The following DHDH variants were observed in gnomAD, a reference collection of about 807,000 sequenced individuals.
DHDH encodes the protein dihydrodiol dehydrogenase.
Under a neutral mutation model 33.2 loss-of-function variants are expected in DHDH, and 29 were observed. The ratio of observed to expected loss-of-function variants is 0.87; its 90% CI spans 0.65 to 1.19. DHDH has a LOEUF of 1.19. Ranked by LOEUF, DHDH falls within the 50% of genes most tolerant of loss-of-function variation. The pLI, the probability that DHDH is intolerant of heterozygous loss-of-function variation, is 0.00. For missense variants in DHDH, 431 were observed against 455.0 expected, an observed-to-expected ratio of 0.95 and a Z score of 0.48; for synonymous variants, 201 against 187.9, an observed-to-expected ratio of 1.07 and a Z score of -0.57.
chr19:48,933,847 C>CG (rs769234991), intron 1 of DHDH, 36 bp downstream of exon 1: 16 of 1,587,984 alleles, frequency 1.0e-5, no homozygotes, highest in Non-Finnish European at 1.2e-5. Flanking sequence ...GAAGAGGAGG[C>CG]GGGGGGCGGG....
intron 4 of DHDH, among the ~76,000 whole-genome samples, chr19:48,941,314 TG>T: frequency 6.6e-6 from 1 of 152,334 alleles, no homozygotes; most frequent in Non-Finnish European, 1.5e-5. Context: ...ACACCATATT[TG>T]CTACTGGCCC....
rs761438992 is a variant in DHDH at position 48,936,148 on chromosome 19, C to A, written c.319C>A (p.Arg107Ser). Residue 107 changes from arginine to serine, a missense_variant, in exon 3 of 7, where the codon CGC (arginine) becomes AGC (serine). Arg to Ser is a moderately radical substitution (Grantham distance 110, BLOSUM62 -1). Transcript: ENST00000221403. The part of the protein sequence containing the change: ...KPTGVNAAEV[R>S]EMVAEARSRA... The stretch of plus-strand genomic sequence containing the variant: ...CACGGGCGTGAACGCGGCGGAAGTT[C>A]GCGAGATGGTCGCGGAGGCCCGATC... The A allele has an allele frequency of 4.1e-5, 66 of 1,607,698 alleles. No homozygotes were observed. The highest frequency in any genetic ancestry group is 5.5e-5 in the Non-Finnish European group (65 of 1,177,898).
chr19:48,933,535 T>C (rs889432193), upstream of DHDH: 14 of 612,384 alleles, frequency 2.3e-5, no homozygotes, highest in African/African-American at 2.2e-4. Context: ...AAGGCGGAGC[T>C]AAACGGTGCA....
chr19:48,943,223 G>A (rs574913467), intron 5 of DHDH, among the ~76,000 whole-genome samples: 7 of 152,176 alleles, frequency 4.6e-5, no homozygotes, highest in Non-Finnish European at 1.0e-4. Flanking sequence ...CTGAGTGACA[G>A]AGTGAGATCC....
chr19:48,934,950 GT>G, intron 1 of DHDH, 49 bp from the exon 2 acceptor site: 1 of 1,437,644 alleles, frequency 7.0e-7, no homozygotes, highest in East Asian at 2.8e-5. Flanking sequence ...CTTCCACCCA[GT>G]TTCCACGCCT....
At chr19:48,944,658 G>A (rs533521085) in intron 6 of DHDH, 151 bp downstream of exon 6, 12 of 1,293,478 alleles carry the variant, frequency 9.3e-6, no homozygotes, top group Middle Eastern at 2.6e-4. Context: ...CCTGGGCAAC[G>A]GAACAAGACT....
chr19:48,938,702 C>T (rs1026114763), intron 3 of DHDH, among the ~76,000 whole-genome samples: 3 of 149,058 alleles, frequency 2.0e-5, no homozygotes, highest in Non-Finnish European at 4.4e-5. Context: ...TGGAGTGCAA[C>T]GGTGCGATCT....
chr19:48,938,676 G>A (rs2037814848), intron 3 of DHDH, among the ~76,000 whole-genome samples: 1 of 142,240 alleles, frequency 7.0e-6, no homozygotes, highest in Non-Finnish European at 1.5e-5. Flanking sequence ...TTGGAGTCTC[G>A]CTCTGTCGCC....
intron 5 of DHDH, among the ~76,000 whole-genome samples, chr19:48,943,513 G>A (rs1467264120): frequency 1.3e-5 from 2 of 151,698 alleles, no homozygotes; most frequent in Non-Finnish European, 2.9e-5. Context: ...CCAACATGGT[G>A]AAACCCCGTC....
At chr19:48,940,876 C>T (rs2037849346) in intron 4 of DHDH, among the ~76,000 whole-genome samples, 1 of 151,940 alleles carries the variant, frequency 6.6e-6, no homozygotes, top group East Asian at 1.9e-4. Context: ...AGAACAGAGT[C>T]TCGCTATATT....
Position 48,944,933 on chromosome 19 carries a change from A to T in DHDH, c.1005A>T (p.Ter335CysextTer5). ...IGVTFPQDKR[*>C] is the part of the protein sequence containing the mutation. ...TCACCTTCCCCCAAGACAAACGCTG[A>T]TGTATCCCCGAATAAATAAAGACAT... Residue 335 changes from the stop codon to cysteine (C), a stop_lost, in exon 7 of 7, where the codon TGA becomes TGT. Transcript: ENST00000221403. 1 of 1,613,086 alleles carries T rather than the reference A, an allele frequency of 6.2e-7. No individual in the cohort carries two copies.
chr19:48,935,029 C>T lies in DHDH; in HGVS notation c.120C>T (p.Ser40=), dbSNP rs370663469. 18 of 1,580,672 alleles carry T rather than the reference C, an allele frequency of 1.1e-5. No homozygotes were observed. In the East Asian group the frequency reaches 2.1e-4, roughly 18 times the overall value. The change falls in exon 2 of 7, where the codon AGC becomes AGT. Residue 40 remains serine (S), a synonymous_variant. Transcript: ENST00000221403. ...TGGCGGTGGCGGCCCGCGATCTGAG[C>T]CGTGCGAAGGAGTTTGCACAGAAAC... ...QVVAVAARDL[S]RAKEFAQKHD...
At chr19:48,941,067 A>C (rs140519082) in intron 4 of DHDH, among the ~76,000 whole-genome samples, 1 of 151,628 alleles carries the variant, frequency 6.6e-6, no homozygotes, top group South Asian at 2.1e-4. Context: ...GCATTGGCAA[A>C]TTGGGGCTGG....
chr19:48,944,375 T>C lies in DHDH; in HGVS notation c.763T>C (p.Cys255Arg). The C allele has an allele frequency of 6.2e-7, 1 of 1,614,020 alleles. No homozygotes were observed. Among genetic ancestry groups the C allele is most frequent in the East Asian group, 2.2e-5 (1 of 44,876 alleles). ...GMVQLLNPCWCPTELVVKGEH... is the reference protein window; with the variant it reads ...GMVQLLNPCWRPTELVVKGEH... The stretch of plus-strand genomic sequence containing the variant: ...CCTCCAGCTCCTCAACCCCTGCTGG[T>C]GCCCGACCGAGCTGGTGGTGAAGGG... Residue 255 changes from cysteine to arginine, a missense_variant, in exon 6 of 7, where the codon TGC becomes CGC. Transcript: ENST00000221403.
chr19:48,934,055 GA>G (rs1231093962), intron 1 of DHDH, among the ~76,000 whole-genome samples: 3 of 152,194 alleles, frequency 2.0e-5, no homozygotes, highest in Admixed American at 6.5e-5. Flanking sequence ...ACTGTACTAA[GA>G]AAAATTGTTT....
At chr19:48,935,902 C>T in intron 2 of DHDH, 130 bp from the exon 3 acceptor site, 2 of 1,117,118 alleles carry the variant, frequency 1.8e-6, no homozygotes, top group South Asian at 3.0e-5. Context: ...AAGGACAGCT[C>T]CCTAAGGGAG....
Position 48,939,617 on chromosome 19 carries a change from A to G in DHDH, c.535A>G (p.Ile179Val). 6.2e-7 allele frequency: 1 copy of G among 1,614,136 alleles called. No homozygotes were observed. The highest frequency in any genetic ancestry group is 8.5e-7 in the Non-Finnish European group (1 of 1,180,024). The change falls in exon 4 of 7, where the codon ATC becomes GTC. Residue 179 changes from isoleucine (I) to valine (V), a missense_variant. By Grantham distance (29) the Ile-to-Val change is conservative. Coordinates refer to ENST00000221403, the MANE Select transcript of DHDH (RefSeq NM_014475.4). ...QAGGALLDIG[I>V]YCVQFTSMVF... The stretch of plus-strand genomic sequence containing the variant: ...TGGGGGGGCCCTGCTGGACATCGGC[A>G]TCTACTGTGTCCAGTTCACCTCCAT...
At chr19:48,944,539 C>A in intron 6 of DHDH, 32 bp downstream of exon 6, 1 of 1,560,698 alleles carries the variant, frequency 6.4e-7, no homozygotes, top group Non-Finnish European at 8.7e-7. Flanking sequence ...AGGCGCCAGG[C>A]CTGGTAGGGG....
In DHDH at chr19:48,942,576, C is replaced by T. The variant is rs7246241; in HGVS notation, c.744+12C>T. The T allele has an allele frequency of 1.1e-3, 1,772 of 1,606,290 alleles. 7 individuals are homozygous for T. The Middle Eastern group carries it at 0.015, about 13-fold the overall frequency. On this transcript the variant is annotated intron_variant, in intron 5 of 6. Transcript: ENST00000221403. Reference sequence around the variant, plus strand: ...AGGGCATGGTACAGGTGAGGCATGGCGGGCCCAAGCGCTGGGGATCGTGCC... The same window carrying T: ...AGGGCATGGTACAGGTGAGGCATGGTGGGCCCAAGCGCTGGGGATCGTGCC...
Sources: allele counts gnomAD v4.1 joint callset (sites outside exome capture counted in the v4.1 genomes callset), GRCh38; gene constraint gnomAD v4.1.1; transcripts MANE v1.5; gene names NCBI Gene and HGNC (gene_info 2026-07-23, HGNC 2026-07-21).